MRC1: variants seen among roughly 807,000 people sequenced by gnomAD.
The protein encoded by MRC1 is macrophage mannose receptor 1.
MRC1 carries 62 observed loss-of-function variants against 102.9 expected under a neutral mutation model. The observed-to-expected ratio is 0.60, with a 90% CI of 0.49 to 0.74. MRC1 has a LOEUF of 0.74. Ranked by LOEUF, MRC1 falls within the 30% of genes least tolerant of loss-of-function variation. MRC1 has a pLI of 0.00. For synonymous variants in MRC1, 457 were observed against 298.4 expected (o/e 1.53, Z -5.48); for missense variants, 1,237 against 862.8 (o/e 1.43, Z -5.43).
chr10:17,903,393 T>C (rs1833854955), intron 26 of MRC1, among the ~76,000 whole-genome samples: 6 of 102,318 alleles, frequency 5.9e-5, no homozygotes, highest in African/African-American at 1.6e-4. Flanking sequence ...TTTTTTTTTC[T>C]TTTTTTTTTT....
intron 1 of MRC1, 82 bp from the exon 2 acceptor site, chr10:17,822,992 C>G (rs937493240): frequency 1.3e-4 from 99 of 750,306 alleles, no homozygotes; most frequent in African/African-American, 3.4e-4. Context: ...AACTTTTGAC[C>G]TAAAAGATCG....
In MRC1 at chr10:17,900,835, T is replaced by C. The variant is rs2130717593; in HGVS notation, c.3531T>C (p.Thr1177=). The C allele has an allele frequency of 1.3e-6, 1 of 780,828 alleles. No individual in the cohort carries two copies. The highest frequency in any genetic ancestry group is 1.3e-5 in the South Asian group (1 of 74,616). The allele number at this position is 780,828 out of a possible 1,614,324, so 48.4% of individuals were successfully genotyped here. The change falls in exon 25 of 30, where the codon ACT becomes ACC. Residue 1177 remains threonine, a synonymous_variant. Transcript: ENST00000569591. ...CTGATAAGTGGAGGGTGAGGTACAC[T>C]AACTGGGCTGCTGATGAGCCCAAAT... ...TWTDKWRVRY[T]NWAADEPKLK...
intron 24 of MRC1, 139 bp from the exon 25 acceptor site, chr10:17,900,649 G>C: frequency 2.8e-6 from 2 of 724,218 alleles, no homozygotes; most frequent in East Asian, 2.4e-5. Context: ...ATGATTTATA[G>C]TGTTCTTTTT....
At chr10:17,882,887 T>A (rs1833538836) in intron 21 of MRC1, among the ~76,000 whole-genome samples, 1 of 152,244 alleles carries the variant, frequency 6.6e-6, no homozygotes, top group Non-Finnish European at 1.5e-5. Flanking sequence ...TGCTGATTCC[T>A]GGCATAGTGA....
rs782693019 is a variant in MRC1, at chr10:17,833,766, G to A, written c.729G>A (p.Ala243=). 9 of 780,938 alleles carry A rather than the reference G, an allele frequency of 1.2e-5. No homozygotes were observed. The highest frequency in any genetic ancestry group is 8.0e-5 in the South Asian group (6 of 74,624). The allele number at this position is 780,938 out of a possible 1,614,324, so 48.4% of individuals were successfully genotyped here. ...NSKSALTWHQ[A]RKSCQQQNAE... ...AATCCGCTTTAACGTGGCACCAGGCGAGGAAAAGCTGCCAACAACAGAACG... is the reference window on the plus strand; with the variant it reads ...AATCCGCTTTAACGTGGCACCAGGCAAGGAAAAGCTGCCAACAACAGAACG... The change falls in exon 4 of 30, where the codon GCG becomes GCA. Residue 243 remains alanine, a synonymous_variant. Transcript: ENST00000569591.
At chr10:17,852,812 C>T (rs1838936840) in intron 7 of MRC1, among the ~76,000 whole-genome samples, 155 bp from the exon 8 acceptor site, 1 of 152,152 alleles carries the variant, frequency 6.6e-6, no homozygotes, top group African/African-American at 2.4e-5. Context: ...GCATGTAGGT[C>T]AGATGAGCAC....
At position 17,849,565 on chromosome 10, in the gene MRC1, C is replaced by CG. The variant is rs1333935594; in HGVS notation, c.1064-14_1064-13insG. 2 of 776,996 alleles carry CG rather than the reference C, an allele frequency of 2.6e-6. No homozygotes were observed. The highest frequency in any genetic ancestry group is 2.4e-5 in the East Asian group (1 of 41,224). 48.1% of individuals were successfully genotyped at this position (776,996 alleles called of 1,614,324 possible). ...CTTTTAAAATTTTTTTCCGACCCCC[C>CG]TTTTTGTTTCTAGAAAGTGATGTGC... On this transcript the variant is annotated splice_polypyrimidine_tract_variant and intron_variant, in intron 6 of 29. Transcript: ENST00000569591.
At chr10:17,878,025 T>C (rs1394312881) in intron 18 of MRC1, 58 bp downstream of exon 18, 6 of 837,862 alleles carry the variant, frequency 7.2e-6, no homozygotes, top group Non-Finnish European at 1.3e-5. Flanking sequence ...CCAATACCTA[T>C]GAGTTATTTT....
chr10:17,896,734 C>T (rs2130712605), intron 23 of MRC1, among the ~76,000 whole-genome samples: 1 of 152,088 alleles, frequency 6.6e-6, no homozygotes, highest in South Asian at 2.1e-4. Flanking sequence ...AGTTCAAGAT[C>T]AGCCTGAGCA....
chr10:17,867,143 C>T (rs1033491526), intron 12 of MRC1, among the ~76,000 whole-genome samples: 1 of 141,738 alleles, frequency 7.1e-6, no homozygotes, highest in Non-Finnish European at 1.5e-5. Flanking sequence ...TCCTCCTTTC[C>T]TCCCTCCCTT....
intron 11 of MRC1, among the ~76,000 whole-genome samples, chr10:17,866,017 T>C (rs1833260667): frequency 1.3e-5 from 2 of 152,234 alleles, no homozygotes. Flanking sequence ...CCTCATTTTA[T>C]TTTATGTACT....
chr10:17,891,050 C>G (rs1833665336), intron 22 of MRC1, among the ~76,000 whole-genome samples: 1 of 151,582 alleles, frequency 6.6e-6, no homozygotes, highest in Non-Finnish European at 1.5e-5. Flanking sequence ...CTCCCATTAC[C>G]CCCAGATGGG....
chr10:17,834,363 A>G (rs1435467216), intron 4 of MRC1, among the ~76,000 whole-genome samples: 7 of 151,622 alleles, frequency 4.6e-5, no homozygotes, highest in Non-Finnish European at 7.4e-5. Flanking sequence ...TTTTATTGAT[A>G]CTCTTTCCAC....
chr10:17,817,229 G>A lies in MRC1; in HGVS notation c.62-5845G>A, dbSNP rs1203404443. 3.3e-4 allele frequency among the ~76,000 whole-genome samples: 46 copies of A among 138,376 alleles called. 1 individual carries two copies. Among genetic ancestry groups the A allele is most frequent in the African/African-American group, 1.2e-3 (43 of 36,604 alleles). The allele number at this position is 138,376 out of a possible 152,430, so 90.8% of individuals were successfully genotyped here. A position where few individuals can be genotyped will look rare whatever the true frequency, so the allele number is the denominator to read the frequency against. ...CACACCACTGCACTCCAGCCTGGGC[G>A]ACAGAGTGACTCTGTCTCAAAAAAA... On this transcript the variant is annotated intron_variant, in intron 1 of 29. Transcript: ENST00000569591.
chr10:17,845,169 C>CA (rs1589174714), intron 5 of MRC1, 120 bp from the exon 6 acceptor site: 11 of 779,778 alleles, frequency 1.4e-5, no homozygotes, highest in Middle Eastern at 4.5e-4. Flanking sequence ...GAATGTGTAG[C>CA]AAAAGACAGA....
chr10:17,828,057 T>A (rs1325169715), intron 3 of MRC1, among the ~76,000 whole-genome samples: 2 of 152,246 alleles, frequency 1.3e-5, no homozygotes, highest in African/African-American at 4.8e-5. Flanking sequence ...CAACATTCCC[T>A]CCATCAAGTG....
In MRC1 at chr10:17,910,300, T is replaced by C. The variant is rs895723767; in HGVS notation, c.4206T>C (p.Gly1402=). The change falls in exon 30 of 30, where the codon GGT becomes GGC. Residue 1402 remains glycine, a synonymous_variant. Coordinates refer to ENST00000569591, the MANE Select transcript of MRC1 (RefSeq NM_002438.4). ...TTGTGATCCTCCTGATTTTAACGGG[T>C]GCTGGCCTTGCCGCCTATTTCTTTT... is the stretch of plus-strand genomic sequence containing the variant. ...VIIVILLILT[G]AGLAAYFFYK... 6.9e-5 allele frequency: 54 copies of C among 780,848 alleles called. No homozygotes were observed. In the African/African-American group the frequency reaches 8.1e-4, roughly 12 times the overall value. 48.4% of individuals were successfully genotyped at this position (780,848 alleles called of 1,614,324 possible). A position where few individuals can be genotyped will look rare whatever the true frequency, so the allele number is the denominator to read the frequency against.
rs1010930872 is a variant in MRC1, at chr10:17,907,310, T to A, written c.3914-224T>A. Among the ~76,000 whole-genome samples the A allele has an allele frequency of 2.6e-5, 4 of 152,354 alleles. No individual in the cohort carries two copies. In the South Asian group the frequency reaches 6.2e-4, roughly 24 times the overall value. On this transcript the variant is annotated intron_variant, in intron 27 of 29. Transcript: ENST00000569591. ...GGATAAGTATAAATATTTGTACTAA[T>A]TAGAAATACGGTTTTAACTAAAGCT...
Position 17,910,679 on chromosome 10 carries a change from T to C in MRC1, c.*214T>C, listed in dbSNP as rs1265762808. 2 of 595,102 alleles carry C rather than the reference T, an allele frequency of 3.4e-6. No homozygotes were observed. Among genetic ancestry groups the C allele is most frequent in the South Asian group, 2.0e-5 (1 of 51,070 alleles). The allele number at this position is 595,102 out of a possible 1,614,324, so 36.9% of individuals were successfully genotyped here. A position where few individuals can be genotyped will look rare whatever the true frequency, so the allele number is the denominator to read the frequency against. On this transcript the variant is annotated 3_prime_UTR_variant, in exon 30 of 30. Transcript: ENST00000569591. ...GATAACAATGCTGATTACTACCTTT[T>C]AAAATATTTTAGATAAATGCACAGC...
Sources: gnomAD v4.1 joint callset for allele counts (sites outside exome capture counted in the v4.1 genomes callset) on GRCh38, gnomAD v4.1.1 for gene constraint, MANE v1.5 for transcripts, NCBI Gene and HGNC (gene_info 2026-07-23, HGNC 2026-07-21) for gene names.